Variants in GRIK2 observed in about 807,000 individuals in gnomAD.
The protein encoded by GRIK2 is glutamate ionotropic receptor kainate type subunit 2, also known as glutamate receptor ionotropic, kainate 2.
A neutral mutation model predicts 100.3 loss-of-function variants in GRIK2; 32 were observed. The ratio of observed to expected loss-of-function variants is 0.32; its 90% CI spans 0.24 to 0.43. GRIK2 has a LOEUF of 0.43. Among genes scored for constraint, GRIK2 ranks in the 20% least tolerant of loss-of-function variants. GRIK2 has a pLI of 1.00. For missense variants in GRIK2, 843 were observed against 1,114.9 expected (o/e 0.76, Z 3.47); for synonymous variants, 417 against 389.4 (o/e 1.07, Z -0.83).
At chr6:101,970,498 T>G (rs564450571) in intron 14 of GRIK2, among the ~76,000 whole-genome samples, 24 of 152,132 alleles carry the variant, frequency 1.6e-4, no homozygotes, top group African/African-American at 5.1e-4. Context: ...TATACCCACT[T>G]TTTATTATAT....
chr6:101,951,048 T>C (rs975715056), intron 14 of GRIK2, among the ~76,000 whole-genome samples: 7 of 152,054 alleles, frequency 4.6e-5, no homozygotes, highest in African/African-American at 1.5e-4. Context: ...AGTTCCAATG[T>C]TCTGTTGTGA....
At chr6:101,574,350 A>C (rs2128300274) in intron 2 of GRIK2, among the ~76,000 whole-genome samples, 1 of 147,648 alleles carries the variant, frequency 6.8e-6, no homozygotes, top group African/African-American at 2.4e-5. Flanking sequence ...AAAAATATAT[A>C]ATTATATATA....
At chr6:101,420,178 G>A (rs1263732986) in intron 2 of GRIK2, among the ~76,000 whole-genome samples, 2 of 152,120 alleles carry the variant, frequency 1.3e-5, no homozygotes, top group Non-Finnish European at 2.9e-5. Context: ...AGAAAACTGA[G>A]GATACAGAAA....
intron 14 of GRIK2, among the ~76,000 whole-genome samples, chr6:102,004,309 C>G (rs1382720326): frequency 7.0e-6 from 1 of 142,796 alleles, no homozygotes; most frequent in Non-Finnish European, 1.5e-5. Context: ...TTTTTGGAAC[C>G]ATTATCTACC....
At chr6:101,733,775 T>G (rs1433846662) in intron 7 of GRIK2, among the ~76,000 whole-genome samples, 1 of 149,034 alleles carries the variant, frequency 6.7e-6, no homozygotes, top group Non-Finnish European at 1.5e-5. Flanking sequence ...ATTAGCTGCT[T>G]CTTCAATACT....
intron 7 of GRIK2, among the ~76,000 whole-genome samples, chr6:101,752,281 C>T (rs1350916540): frequency 1.3e-5 from 2 of 152,116 alleles, no homozygotes; most frequent in Non-Finnish European, 2.9e-5. Flanking sequence ...AATTTTGACT[C>T]TGACCTGTTT....
At chr6:101,968,216 A>G (rs9498767) in intron 14 of GRIK2, among the ~76,000 whole-genome samples, 2,641 of 152,216 alleles carry the variant, frequency 0.017, 78 homozygotes, top group African/African-American at 0.06. Context: ...TATGGTTCAA[A>G]GGAGAATTTT....
intron 14 of GRIK2, among the ~76,000 whole-genome samples, chr6:102,023,122 A>G (rs1769519159): frequency 6.6e-6 from 1 of 151,368 alleles, no homozygotes; most frequent in Admixed American, 6.6e-5. Flanking sequence ...ATATATGGTG[A>G]TCATTGGCAT....
In GRIK2 at chr6:101,859,288, A is replaced by G; in HGVS notation, c.1319A>G (p.Glu440Gly). The G allele has an allele frequency of 6.5e-7, 1 of 1,534,550 alleles. No homozygotes were observed. Among genetic ancestry groups the G allele is most frequent in the Non-Finnish European group, 9.0e-7 (1 of 1,108,940 alleles). Reference protein sequence around the residue: ...NRSLIVTTILEEPYVLFKKSD... With the variant: ...NRSLIVTTILGEPYVLFKKSD... ...TTTCTTCTTTTTCAATGTTTTCAGG[A>G]AGAGCCTTATGTCCTTTTTAAGAAG... Residue 440 changes from glutamate (E) to glycine (G), a missense_variant and splice_region_variant, in exon 11 of 17, where the codon GAA becomes GGA. Around this residue, in one of 3 missense-constraint regions of GRIK2, gnomAD observed 519 missense variants for 643.8 expected, o/e 0.81. Coordinates refer to ENST00000369134, the MANE Select transcript of GRIK2 (RefSeq NM_021956.5).
At chr6:101,764,922 G>C (rs1383534705) in intron 7 of GRIK2, among the ~76,000 whole-genome samples, 1 of 152,086 alleles carries the variant, frequency 6.6e-6, no homozygotes, top group African/African-American at 2.4e-5. Context: ...GTGTGTGTGT[G>C]TTTTGTTGTT....
chr6:101,795,475 G>A (rs906615072), intron 7 of GRIK2, among the ~76,000 whole-genome samples: 1 of 152,206 alleles, frequency 6.6e-6, no homozygotes, highest in Non-Finnish European at 1.5e-5. Flanking sequence ...ACAAGGGCAC[G>A]TGTGTTAGTG....
intron 2 of GRIK2, among the ~76,000 whole-genome samples, chr6:101,609,935 A>G (rs918404700): frequency 1.3e-5 from 2 of 151,762 alleles, no homozygotes; most frequent in Admixed American, 1.3e-4. Flanking sequence ...GGTGTTATTA[A>G]TGTAATATGA....
At chr6:101,657,912 GTTC>G (rs1388295357) in intron 4 of GRIK2, among the ~76,000 whole-genome samples, 1 of 151,940 alleles carries the variant, frequency 6.6e-6, no homozygotes, top group African/African-American at 2.4e-5. Context: ...AATTATCCCT[GTTC>G]TTCTTTCACT....
At chr6:101,814,546 A>T (rs1781519188) in intron 9 of GRIK2, among the ~76,000 whole-genome samples, 1 of 152,112 alleles carries the variant, frequency 6.6e-6, no homozygotes, top group South Asian at 2.1e-4. Context: ...TTAAAAGCTA[A>T]ATTGTTATAC....
chr6:101,686,132 T>C (rs185620907), intron 6 of GRIK2, 48 bp from the exon 7 acceptor site: 30 of 1,503,584 alleles, frequency 2.0e-5, no homozygotes, highest in Non-Finnish European at 2.7e-5. Context: ...TACATGCCTG[T>C]GAAGATACTC....
rs1236085005 is a variant in GRIK2, at chr6:101,760,646, A to G, written c.952-39002A>G. On this transcript the variant is annotated intron_variant, in intron 7 of 16. Coordinates refer to ENST00000369134, the MANE Select transcript of GRIK2 (RefSeq NM_021956.5). ...TATGTTTAATTATATATAATTATAT[A>G]TAATTATATGTTTAATTATATATAA... 5.1e-5 allele frequency among the ~76,000 whole-genome samples: 4 copies of G among 78,788 alleles called. 1 individual carries two copies. The highest frequency in any genetic ancestry group is 2.6e-4 in the African/African-American group (4 of 15,658). The allele number at this position is 78,788 out of a possible 152,430, so 51.7% of individuals were successfully genotyped here.
chr6:102,003,616 A>G (rs1795058736), intron 14 of GRIK2, among the ~76,000 whole-genome samples: 1 of 151,848 alleles, frequency 6.6e-6, no homozygotes, highest in Non-Finnish European at 1.5e-5. Flanking sequence ...TTTATTAACA[A>G]AAGCTGTCCT....
At chr6:101,816,993 G>A (rs1052420115) in intron 9 of GRIK2, among the ~76,000 whole-genome samples, 1 of 152,062 alleles carries the variant, frequency 6.6e-6, no homozygotes, top group Admixed American at 6.6e-5. Context: ...TTCTTACTAC[G>A]GCCCTGTACA....
chr6:101,415,936 G>A (rs191261352), intron 2 of GRIK2, among the ~76,000 whole-genome samples: 246 of 152,242 alleles, frequency 1.6e-3, no homozygotes, highest in Middle Eastern at 0.01. Flanking sequence ...GATAAAATGC[G>A]CAAAGTACTT....
Sources: gnomAD v4.1 joint callset for allele counts (sites outside exome capture counted in the v4.1 genomes callset) on GRCh38, gnomAD v4.1.1 for gene constraint, gnomAD v4.1.1 regional missense constraint, MANE v1.5 for transcripts, NCBI Gene and HGNC (gene_info 2026-07-23, HGNC 2026-07-21) for gene names.